EDNRB: variants seen among roughly 807,000 people sequenced by gnomAD.
EDNRB encodes endothelin receptor type B.
Under a neutral mutation model 46.4 loss-of-function variants are expected in EDNRB, and 18 were observed. That is an observed-to-expected ratio of 0.39 (90% CI 0.27 to 0.57). The LOEUF (loss-of-function observed/expected upper bound fraction) is 0.57. EDNRB is among the 20% of genes least tolerant of loss of function. The pLI is 0.61. For synonymous variants in EDNRB, 213 were observed against 204.9 expected (o/e 1.04, Z -0.34); for missense variants, 434 against 537.5 (o/e 0.81, Z 1.90).
intron 1 of EDNRB, chr13:77,939,125 G>T (rs1419365753): frequency 5.3e-5 from 8 of 152,152 alleles, no homozygotes; most frequent in African/African-American, 1.9e-4. Flanking sequence ...ATTTGGGTAG[G>T]TAAAGGAAAA....
intron 1 of EDNRB, among the ~76,000 whole-genome samples, chr13:77,929,030 C>T (rs1034174365): frequency 1.3e-5 from 2 of 152,146 alleles, no homozygotes; most frequent in African/African-American, 4.8e-5. Context: ...CGTTCATCAG[C>T]TATAAATTTT....
At chr13:77,919,771 T>C (rs1236411972), upstream of EDNRB, 9 of 681,824 alleles carry the variant, frequency 1.3e-5, no homozygotes, top group African/African-American at 1.3e-4. Flanking sequence ...GGCTGTTTAT[T>C]TGTTAGAGTT....
intron 1 of EDNRB, among the ~76,000 whole-genome samples, chr13:77,951,988 A>G (rs1387399768): frequency 6.6e-6 from 1 of 152,074 alleles, no homozygotes; most frequent in Non-Finnish European, 1.5e-5. Context: ...GGACAACCCT[A>G]CTTACCCAAA....
At chr13:77,925,867 G>A (rs1880222533) in intron 1 of EDNRB, among the ~76,000 whole-genome samples, 1 of 152,170 alleles carries the variant, frequency 6.6e-6, no homozygotes, top group South Asian at 2.1e-4. Context: ...GCCGGCCCAC[G>A]AAAGCAGCCA....
chr13:77,908,155 G>C (rs1465506057), intron 1 of EDNRB, among the ~76,000 whole-genome samples: 1 of 151,612 alleles, frequency 6.6e-6, no homozygotes, highest in African/African-American at 2.4e-5. Flanking sequence ...AGCATGCACT[G>C]TTGCTTCCAT....
intron 1 of EDNRB, among the ~76,000 whole-genome samples, chr13:77,972,211 A>G (rs1051979535): frequency 1.7e-4 from 26 of 152,196 alleles, no homozygotes; most frequent in African/African-American, 6.3e-4. Context: ...CATGCAGCCT[A>G]CGCCTGGTCA....
At chr13:77,919,444 T>G (rs746667506), upstream of EDNRB, 1 of 1,612,708 alleles carries the variant, frequency 6.2e-7, no homozygotes, top group Admixed American at 1.7e-5. Flanking sequence ...GGAGACCACC[T>G]TCCCGGGAGG....
At chr13:77,911,689 C>T (rs190796686) in intron 1 of EDNRB, among the ~76,000 whole-genome samples, 1 of 152,130 alleles carries the variant, frequency 6.6e-6, no homozygotes, top group Non-Finnish European at 1.5e-5. Flanking sequence ...CTCTCCCATC[C>T]ACCACCACAT....
chr13:77,956,212 T>A (rs941582319), intron 1 of EDNRB, among the ~76,000 whole-genome samples: 1 of 152,226 alleles, frequency 6.6e-6, no homozygotes, highest in African/African-American at 2.4e-5. Flanking sequence ...ATCAGTGTCT[T>A]ACACTTTTCA....
intron 1 of EDNRB, among the ~76,000 whole-genome samples, chr13:77,972,525 G>A (rs1324930368): frequency 4.6e-5 from 7 of 152,136 alleles, no homozygotes; most frequent in African/African-American, 1.7e-4. Context: ...CTCTATGTTG[G>A]GGGGCAAGAC....
At chr13:77,951,061 A>G (rs1416595801) in intron 1 of EDNRB, among the ~76,000 whole-genome samples, 1 of 152,168 alleles carries the variant, frequency 6.6e-6, no homozygotes, top group African/African-American at 2.4e-5. Context: ...TTACCCAAAT[A>G]ATATAGGTGA....
chr13:77,950,243 G>T (rs1430743808), intron 1 of EDNRB, among the ~76,000 whole-genome samples: 5 of 152,140 alleles, frequency 3.3e-5, no homozygotes, highest in Non-Finnish European at 7.3e-5. Context: ...ACATAGAAAA[G>T]GGAACATGTA....
chr13:77,919,683 T>G (rs568000878), upstream of EDNRB: 3 of 1,453,736 alleles, frequency 2.1e-6, no homozygotes, highest in South Asian at 3.9e-5. Context: ...ACCTTTCCCC[T>G]TGGGCGATGC....
chr13:77,919,212 A>AC, upstream of EDNRB: 1 of 652,898 alleles, frequency 1.5e-6, no homozygotes, highest in East Asian at 2.9e-5. Context: ...GAACTTGGAA[A>AC]CCGCTGTTCC....
intron 1 of EDNRB, among the ~76,000 whole-genome samples, chr13:77,934,343 C>T (rs1335269531): frequency 3.3e-5 from 5 of 152,038 alleles, no homozygotes; most frequent in Non-Finnish European, 5.9e-5. Flanking sequence ...ACCTTTAGTC[C>T]GTTCTACTTT....
At chr13:77,973,586 C>T (rs1031208440) in intron 1 of EDNRB, among the ~76,000 whole-genome samples, 6 of 151,808 alleles carry the variant, frequency 4.0e-5, no homozygotes, top group African/African-American at 1.2e-4. Context: ...TAAAACAAAA[C>T]GCACATATTT....
At chr13:77,924,927 G>A (rs955464144) in intron 1 of EDNRB, among the ~76,000 whole-genome samples, 1 of 152,156 alleles carries the variant, frequency 6.6e-6, no homozygotes, top group Non-Finnish European at 1.5e-5. Flanking sequence ...CACCATGATT[G>A]TGAGGTCTCC....
At chr13:77,926,461 G>A (rs764865884) in intron 1 of EDNRB, among the ~76,000 whole-genome samples, 15 of 152,122 alleles carry the variant, frequency 9.9e-5, no homozygotes, top group Admixed American at 3.3e-4. Flanking sequence ...CTAGGGCAGG[G>A]CAAAATGCTG....
chr13:77,905,911 T>C (rs906157153), intron 1 of EDNRB, among the ~76,000 whole-genome samples: 3 of 151,940 alleles, frequency 2.0e-5, no homozygotes, highest in Non-Finnish European at 1.5e-5. Flanking sequence ...AATGCTTTTT[T>C]TGAGGGAGTT....
Sources: allele counts gnomAD v4.1 joint callset (sites outside exome capture counted in the v4.1 genomes callset), GRCh38; gene constraint gnomAD v4.1.1; transcripts MANE v1.5; gene names NCBI Gene and HGNC (gene_info 2026-07-23, HGNC 2026-07-21).